SUSD1: variants seen among roughly 807,000 people sequenced by gnomAD.
The protein encoded by SUSD1 is sushi domain containing 1, also known as sushi domain-containing protein 1.
Under a neutral mutation model 86.9 loss-of-function variants are expected in SUSD1, and 65 were observed. The observed-to-expected ratio is 0.75, with a 90% CI of 0.61 to 0.92. The LOEUF (loss-of-function observed/expected upper bound fraction) is 0.92. Ranked by LOEUF, SUSD1 falls within the 40% of genes least tolerant of loss-of-function variation. The probability of loss-of-function intolerance (pLI) is 0.00; values close to 1 mark genes in which losing one functional copy is unlikely to be tolerated. For synonymous variants in SUSD1, 346 were observed against 350.0 expected (o/e 0.99, Z 0.13); for missense variants, 850 against 929.7 (o/e 0.91, Z 1.11).
At chr9:112,126,142 G>A (rs971392992) in intron 5 of SUSD1, among the ~76,000 whole-genome samples, 1 of 152,248 alleles carries the variant, frequency 6.6e-6, no homozygotes, top group Non-Finnish European at 1.5e-5. Context: ...TGTTTCATAA[G>A]ACTGCCTAGT....
chr9:112,089,183 G>C (rs1047363469), intron 10 of SUSD1, among the ~76,000 whole-genome samples: 8 of 152,258 alleles, frequency 5.3e-5, no homozygotes, highest in African/African-American at 1.9e-4. Flanking sequence ...AAACAGAAGA[G>C]AGGGCGTTTT....
intron 7 of SUSD1, among the ~76,000 whole-genome samples, chr9:112,112,450 C>T (rs375950960): frequency 3.9e-5 from 6 of 152,096 alleles, no homozygotes; most frequent in Non-Finnish European, 5.9e-5. Context: ...GCCTGGCCAA[C>T]GTGGTGAAAC....
intron 1 of SUSD1, among the ~76,000 whole-genome samples, chr9:112,160,439 T>C (rs1589746835): frequency 6.6e-6 from 1 of 152,032 alleles, no homozygotes; most frequent in South Asian, 2.1e-4. Flanking sequence ...AGCTACTCAG[T>C]AGGCTGAGGC....
At position 112,102,291 on chromosome 9, in the gene SUSD1, A is replaced by C. The variant is rs367962246; in HGVS notation, c.1172-6T>G. ...ATCTTCTAAGAGATCAACTTCTAAA[A>C]GACAAGAGAGAGAGTTATAGACAGC... On this transcript the variant is annotated splice_region_variant and splice_polypyrimidine_tract_variant and intron_variant, in intron 8 of 16. Coordinates refer to ENST00000374270, the MANE Select transcript of SUSD1 (RefSeq NM_022486.5). 2.0e-6 allele frequency: 3 copies of C among 1,488,308 alleles called. No homozygotes were observed. Among genetic ancestry groups the C allele is most frequent in the Non-Finnish European group, 2.8e-6 (3 of 1,082,204 alleles). The allele number at this position is 1,488,308 out of a possible 1,614,324, so 92.2% of individuals were successfully genotyped here.
intron 6 of SUSD1, among the ~76,000 whole-genome samples, chr9:112,114,049 A>G (rs959453629): frequency 2.0e-5 from 3 of 152,200 alleles, no homozygotes; most frequent in Non-Finnish European, 2.9e-5. Flanking sequence ...CCACACCAAA[A>G]CAAGTATTAC....
intron 5 of SUSD1, among the ~76,000 whole-genome samples, chr9:112,131,342 C>T (rs1184581883): frequency 3.3e-5 from 5 of 152,208 alleles, no homozygotes; most frequent in Non-Finnish European, 5.9e-5. Flanking sequence ...GATGACAACG[C>T]CTCCTGCCCA....
chr9:112,140,050 A>ACCC (rs764944537), intron 5 of SUSD1, among the ~76,000 whole-genome samples: 1 of 149,206 alleles, frequency 6.7e-6, no homozygotes, highest in Non-Finnish European at 1.5e-5. Context: ...ACATGGCGAA[A>ACCC]CCCCATCTCT....
chr9:112,166,061 A>G (rs1304416873), intron 1 of SUSD1, among the ~76,000 whole-genome samples: 2 of 152,226 alleles, frequency 1.3e-5, no homozygotes, highest in African/African-American at 2.4e-5. Flanking sequence ...GGCTCAATAC[A>G]TGTTTGTTCC....
In SUSD1 at chr9:112,123,113, C is replaced by T. The variant is rs181352934; in HGVS notation, c.886+1144G>A. ...GTTAAGATGGTGTATTCATCAGTTTCATGTTGCTATAAAGGAATACCTGAG... is the reference window on the plus strand; with the variant it reads ...GTTAAGATGGTGTATTCATCAGTTTTATGTTGCTATAAAGGAATACCTGAG... On this transcript the variant is annotated intron_variant, in intron 6 of 16. Coordinates refer to ENST00000374270, the MANE Select transcript of SUSD1 (RefSeq NM_022486.5). Among the ~76,000 whole-genome samples the T allele has an allele frequency of 3.6e-3, 551 of 152,288 alleles. 2 individuals carry two copies. Among genetic ancestry groups the T allele is most frequent in the African/African-American group, 0.013 (528 of 41,546 alleles).
chr9:112,146,667 G>A (rs569242196), intron 3 of SUSD1, among the ~76,000 whole-genome samples: 20 of 148,642 alleles, frequency 1.3e-4, no homozygotes, highest in Non-Finnish European at 2.8e-4. Flanking sequence ...ACAAAGTCTC[G>A]CTCTGTCACC....
rs369585035 is a variant in SUSD1 at position 112,058,449 on chromosome 9, T to C, written c.2088A>G (p.Arg696=). Residue 696 remains arginine, a synonymous_variant, in exon 14 of 17, where the codon CGA becomes CGG. Transcript: ENST00000374270. Reference sequence around the variant, plus strand: ...ATACCTTATTCCATTCACTTGTGATTCGTAATATAATGCAGTAATCACTCC... The same window carrying C: ...ATACCTTATTCCATTCACTTGTGATCCGTAATATAATGCAGTAATCACTCC... ...KRGSDYCIIL[R]ITSEWNKVRR... is the part of the protein sequence containing the mutation. 6.2e-7 allele frequency: 1 copy of C among 1,613,944 alleles called. No individual in the cohort carries two copies. Among genetic ancestry groups the C allele is most frequent in the Non-Finnish European group, 8.5e-7 (1 of 1,179,976 alleles).
At chr9:112,156,702 T>C (rs1833343397) in intron 2 of SUSD1, among the ~76,000 whole-genome samples, 1 of 152,144 alleles carries the variant, frequency 6.6e-6, no homozygotes, top group South Asian at 2.1e-4. Flanking sequence ...CGAGGCTCAG[T>C]ACCTCGCTGT....
At chr9:112,138,114 C>T (rs1487005804) in intron 5 of SUSD1, among the ~76,000 whole-genome samples, 6 of 148,350 alleles carry the variant, frequency 4.0e-5, no homozygotes, top group East Asian at 4.0e-4. Flanking sequence ...ATCCCAGCTA[C>T]GTGGGAGGCT....
chr9:112,109,150 A>G (rs1386148600), intron 8 of SUSD1, among the ~76,000 whole-genome samples: 2 of 152,230 alleles, frequency 1.3e-5, no homozygotes, highest in Non-Finnish European at 2.9e-5. Flanking sequence ...TCAGAAACAT[A>G]AACAGACCCA....
chr9:112,162,883 T>C (rs1001643), intron 1 of SUSD1, among the ~76,000 whole-genome samples: 75,918 of 152,034 alleles, frequency 0.5, 20,125 homozygotes, highest in African/African-American at 0.7. Context: ...TGGTCTTGTA[T>C]GGAAAATGTA....
At chr9:112,090,186 C>T (rs1830149059) in intron 10 of SUSD1, among the ~76,000 whole-genome samples, 1 of 152,070 alleles carries the variant, frequency 6.6e-6, no homozygotes, top group African/African-American at 2.4e-5. Flanking sequence ...ATCACTGAGA[C>T]AGAAGAAAAT....
chr9:112,070,632 A>C (rs901708340), intron 12 of SUSD1, among the ~76,000 whole-genome samples: 1 of 152,226 alleles, frequency 6.6e-6, no homozygotes, highest in African/African-American at 2.4e-5. Flanking sequence ...GGATGTCAGG[A>C]ATATCCCTCC....
chr9:112,145,965 AT>A (rs1832791855), intron 3 of SUSD1: 2 of 152,218 alleles, frequency 1.3e-5, no homozygotes, highest in Admixed American at 1.3e-4. Flanking sequence ...CATTGGTGAC[AT>A]TCAGAGGCCT....
intron 1 of SUSD1, among the ~76,000 whole-genome samples, chr9:112,165,849 A>AG (rs1491149119): frequency 6.5e-5 from 9 of 138,584 alleles, no homozygotes; most frequent in African/African-American, 2.4e-4. Context: ...AAAGAAAGAG[A>AG]AAGAGAAGGA....
Sources: allele counts gnomAD v4.1 joint callset (sites outside exome capture counted in the v4.1 genomes callset), GRCh38; gene constraint gnomAD v4.1.1; transcripts MANE v1.5; gene names NCBI Gene and HGNC (gene_info 2026-07-23, HGNC 2026-07-21).